Variants in WDFY3 observed in about 807,000 individuals in gnomAD.
WDFY3 encodes WD repeat and FYVE domain containing 3, also known as WD repeat and FYVE domain-containing protein 3.
WDFY3 carries 66 observed loss-of-function variants against 409.6 expected under a neutral mutation model. The ratio of observed to expected loss-of-function variants is 0.16; its 90% CI spans 0.13 to 0.20. WDFY3 has a LOEUF of 0.20. WDFY3 is among the 10% of genes least tolerant of loss of function. The pLI is 1.00. For missense variants in WDFY3, 3,031 were observed against 4,298.1 expected (o/e 0.71, Z 8.24); for synonymous variants, 1,521 against 1,537.1 (o/e 0.99, Z 0.25).
chr4:84,865,259 C>A (rs1480064310), intron 3 of WDFY3, among the ~76,000 whole-genome samples: 1 of 152,078 alleles, frequency 6.6e-6, no homozygotes, highest in Non-Finnish European at 1.5e-5. Flanking sequence ...TATATATAAC[C>A]CAGCTATTGC....
At chr4:84,733,776 G>T (rs1481461821) in intron 43 of WDFY3, among the ~76,000 whole-genome samples, 167 bp from the exon 44 acceptor site, 1 of 152,164 alleles carries the variant, frequency 6.6e-6, no homozygotes, top group Non-Finnish European at 1.5e-5. Flanking sequence ...AAAGTAAGAG[G>T]TTTTGTTGTA....
At chr4:84,729,068 C>A (rs2149135163) in intron 44 of WDFY3, among the ~76,000 whole-genome samples, 1 of 152,032 alleles carries the variant, frequency 6.6e-6, no homozygotes, top group South Asian at 2.1e-4. Flanking sequence ...AGAAAAGGAA[C>A]CTAAAAGTTG....
In WDFY3 at chr4:84,850,332, T is replaced by TG. The variant is rs1553988899; in HGVS notation, c.181-308dup. Among the ~76,000 whole-genome samples, 15 of 151,116 alleles carry TG rather than the reference T, an allele frequency of 9.9e-5. No individual in the cohort carries two copies. In the East Asian group the frequency reaches 1.2e-3, roughly 12 times the overall value. On this transcript the variant is annotated intron_variant, in intron 4 of 67. Coordinates refer to ENST00000295888, the MANE Select transcript of WDFY3 (RefSeq NM_014991.6). ...AGAAATTATAACGTTTCTTTTTTTT[T>TG]GGGGGGGACAGATTCTCACTCTGTC...
chr4:84,779,983 C>T (rs1348783182), intron 26 of WDFY3, 125 bp downstream of exon 26: 1 of 1,077,186 alleles, frequency 9.3e-7, no homozygotes, highest in East Asian at 2.6e-5. Context: ...CATAAAACTA[C>T]TGTCTCTTTA....
rs374636883 is a variant in WDFY3, at chr4:84,841,146, G to C, written c.414+8C>G. The C allele has an allele frequency of 6.3e-7, 1 of 1,594,956 alleles. No individual in the cohort carries two copies. The highest frequency in any genetic ancestry group is 1.7e-4 in the Middle Eastern group (1 of 5,996). ...CTGAGTTATCAAACATGAAAACTAA[G>C]AACTTACCTGACCAGAGGAAGCTAA... On this transcript the variant is annotated splice_region_variant and intron_variant, in intron 6 of 67. Coordinates refer to ENST00000295888, the MANE Select transcript of WDFY3 (RefSeq NM_014991.6).
At chr4:84,814,314 A>G (rs1752953279) in intron 13 of WDFY3, among the ~76,000 whole-genome samples, 1 of 152,168 alleles carries the variant, frequency 6.6e-6, no homozygotes, top group Non-Finnish European at 1.5e-5. Flanking sequence ...ACAAGTTGAT[A>G]TCCCTAGAGT....
chr4:84,839,015 C>G (rs185756149), intron 6 of WDFY3, among the ~76,000 whole-genome samples: 11 of 152,222 alleles, frequency 7.2e-5, no homozygotes, highest in African/African-American at 2.6e-4. Flanking sequence ...AAACATAACA[C>G]TGAATTTGCT....
intron 49 of WDFY3, 103 bp from the exon 50 acceptor site, chr4:84,715,486 A>C (rs1229175286): frequency 1.4e-6 from 1 of 726,840 alleles, no homozygotes; most frequent in African/African-American, 1.8e-5. Context: ...TCAAGAAGTT[A>C]ATCTGCGGCC....
intron 18 of WDFY3, 35 bp from the exon 19 acceptor site, chr4:84,796,787 T>C (rs1560783321): frequency 2.0e-6 from 3 of 1,531,792 alleles, no homozygotes; most frequent in Non-Finnish European, 2.7e-6. Context: ...GAAAATGTCA[T>C]ATGGAATTTC....
Position 84,672,665 on chromosome 4 carries a change from T to C in WDFY3, c.*203A>G, listed in dbSNP as rs965677161. ...TCCTAGGAACCACCTCATATTCTTC[T>C]TGTGCTGTTCACCTGAATCGCGTCT... is the stretch of plus-strand genomic sequence containing the variant. On this transcript the variant is annotated 3_prime_UTR_variant, in exon 68 of 68. Transcript: ENST00000295888. The C allele has an allele frequency of 8.1e-5, 45 of 552,448 alleles. No individual in the cohort carries two copies. Among genetic ancestry groups the C allele is most frequent in the Non-Finnish European group, 2.1e-5 (7 of 337,196 alleles). 34.2% of individuals were successfully genotyped at this position (552,448 alleles called of 1,614,324 possible). A position where few individuals can be genotyped will look rare whatever the true frequency, so the allele number is the denominator to read the frequency against.
At chr4:84,712,227 G>A (rs1379076450) in intron 51 of WDFY3, among the ~76,000 whole-genome samples, 3 of 151,880 alleles carry the variant, frequency 2.0e-5, no homozygotes, top group Non-Finnish European at 2.9e-5. Context: ...GGGAGACTGA[G>A]GCTTGAATCA....
chr4:84,757,041 G>A lies in WDFY3; in HGVS notation c.5309C>T (p.Pro1770Leu). The A allele has an allele frequency of 6.2e-7, 1 of 1,614,048 alleles. No individual in the cohort carries two copies. Among genetic ancestry groups the A allele is most frequent in the Admixed American group, 1.7e-5 (1 of 59,998 alleles). The stretch of plus-strand genomic sequence containing the variant: ...GGCCATGAGGAGAAAATAGAGGGCA[G>A]GGACATTAGTGTGTTTAGGAAGGAA... ...QSFLPKHTNV[P>L]ALYFLLMALF... The change falls in exon 33 of 68, where the codon CCT becomes CTT. Residue 1770 changes from proline (P) to leucine (L), a missense_variant. Coordinates refer to ENST00000295888, the MANE Select transcript of WDFY3 (RefSeq NM_014991.6).
intron 1 of WDFY3, among the ~76,000 whole-genome samples, chr4:84,936,456 G>A (rs1771425959): frequency 1.3e-5 from 2 of 152,010 alleles, no homozygotes; most frequent in African/African-American, 2.4e-5. Context: ...AGGAGATTGA[G>A]GCCACAGTGA....
At position 84,784,941 on chromosome 4, in the gene WDFY3, ACTT is replaced by A. The variant is rs1226228456; in HGVS notation, c.4062+1035_4062+1037del. On this transcript the variant is annotated intron_variant, in intron 24 of 67. Transcript: ENST00000295888. ...ACACATACACACCTTGAATCTGATCACTTCTTATCACTACCACTGCTACTGCCC... is the reference window on the plus strand; with the variant it reads ...ACACATACACACCTTGAATCTGATCACTTATCACTACCACTGCTACTGCCC... 7.6e-5 allele frequency among the ~76,000 whole-genome samples: 11 copies of A among 143,892 alleles called. No individual in the cohort carries two copies. In the East Asian group the frequency reaches 1.0e-3, roughly 13 times the overall value. 94.4% of individuals were successfully genotyped at this position (143,892 alleles called of 152,430 possible).
intron 41 of WDFY3, among the ~76,000 whole-genome samples, 167 bp downstream of exon 41, chr4:84,737,017 A>G (rs1737563038): frequency 6.6e-6 from 1 of 152,106 alleles, no homozygotes; most frequent in African/African-American, 2.4e-5. Flanking sequence ...AAAAAAATCA[A>G]AGAGAACTAA....
At chr4:84,859,037 AAGAC>A (rs780422395) in intron 4 of WDFY3, among the ~76,000 whole-genome samples, 6 of 152,056 alleles carry the variant, frequency 3.9e-5, no homozygotes, top group Admixed American at 6.6e-5. Flanking sequence ...CAGGATAAAA[AAGAC>A]AGACAGGGCA....
intron 38 of WDFY3, among the ~76,000 whole-genome samples, chr4:84,740,632 A>G (rs1738246877): frequency 6.6e-6 from 1 of 152,174 alleles, no homozygotes; most frequent in African/African-American, 2.4e-5. Flanking sequence ...GGCTACATAA[A>G]AAAAAAGAGC....
chr4:84,805,426 G>A lies in WDFY3; in HGVS notation c.2430-1959C>T, dbSNP rs76182833. Among the ~76,000 whole-genome samples the A allele has an allele frequency of 6.1e-4, 92 of 151,998 alleles. 1 individual carries two copies. In the East Asian group the frequency reaches 0.014, roughly 23 times the overall value. ...CAAACATTGCTGATATCTAAAACACGGTATTTATTAACTAAAATTAGGTGT... is the reference window on the plus strand; with the variant it reads ...CAAACATTGCTGATATCTAAAACACAGTATTTATTAACTAAAATTAGGTGT... On this transcript the variant is annotated intron_variant, in intron 15 of 67. Transcript: ENST00000295888.
At chr4:84,848,016 G>A (rs1304857655) in intron 5 of WDFY3, among the ~76,000 whole-genome samples, 1 of 151,626 alleles carries the variant, frequency 6.6e-6, no homozygotes, top group Non-Finnish European at 1.5e-5. Flanking sequence ...GATAGAAAAT[G>A]AGAAGAAAGA....
Sources: allele counts gnomAD v4.1 joint callset (sites outside exome capture counted in the v4.1 genomes callset), GRCh38; gene constraint gnomAD v4.1.1; transcripts MANE v1.5; gene names NCBI Gene and HGNC (gene_info 2026-07-23, HGNC 2026-07-21).